Variants in SYT1 observed in about 807,000 individuals in gnomAD.
The protein encoded by SYT1 is synaptotagmin 1, also known as synaptotagmin-1.
In SYT1, 8 loss-of-function variants were observed where a neutral mutation model predicts 44.8. The observed-to-expected ratio is 0.18, with a 90% CI of 0.10 to 0.32. The LOEUF (loss-of-function observed/expected upper bound fraction) is 0.32. Among genes scored for constraint, SYT1 ranks in the 10% least tolerant of loss-of-function variants. The pLI is 1.00. For synonymous variants in SYT1, 154 were observed against 188.8 expected (o/e 0.82, Z 1.51); for missense variants, 286 against 509.3 (o/e 0.56, Z 4.22).
intron 3 of SYT1, among the ~76,000 whole-genome samples, chr12:79,180,251 A>G (rs1872442942): frequency 6.6e-6 from 1 of 152,108 alleles, no homozygotes; most frequent in Non-Finnish European, 1.5e-5. Flanking sequence ...ATTAAAAAAT[A>G]AAGAGCTTTT....
At chr12:78,892,429 C>A (rs2137075867) in intron 1 of SYT1, among the ~76,000 whole-genome samples, 1 of 151,730 alleles carries the variant, frequency 6.6e-6, no homozygotes, top group African/African-American at 2.4e-5. Flanking sequence ...AGTTATAAAC[C>A]ATTCTTCAGT....
intron 2 of SYT1, among the ~76,000 whole-genome samples, chr12:78,982,117 C>G (rs1159419359): frequency 6.6e-6 from 1 of 152,096 alleles, no homozygotes; most frequent in Non-Finnish European, 1.5e-5. Flanking sequence ...ACTATTTGCT[C>G]ATGATAAAAA....
chr12:79,215,948 T>G (rs1175473802), intron 3 of SYT1, among the ~76,000 whole-genome samples: 1 of 74,022 alleles, frequency 1.4e-5, no homozygotes, highest in East Asian at 3.3e-4. Context: ...TTTTTTTTTT[T>G]GAGACAGAGT....
rs373437687 is a variant in SYT1 at position 79,276,937 on chromosome 12, A to G, written c.167-8850A>G. ...GAAGGAAAAATGATGAAGGAAGGAG[A>G]AGAAGAAGAAGGAAGAAGGAGGAGG... On this transcript the variant is annotated intron_variant, in intron 4 of 10. Coordinates refer to ENST00000261205, the MANE Select transcript of SYT1 (RefSeq NM_005639.3). 3.7e-3 allele frequency among the ~76,000 whole-genome samples: 558 copies of G among 150,846 alleles called. 2 individuals carry two copies. Among genetic ancestry groups the G allele is most frequent in the African/African-American group, 0.013 (525 of 41,208 alleles).
intron 1 of SYT1, among the ~76,000 whole-genome samples, chr12:78,908,843 TA>T (rs1441809317): frequency 4.6e-5 from 7 of 152,066 alleles, no homozygotes; most frequent in East Asian, 3.9e-4. Context: ...GAAAATCAAA[TA>T]TTTTTTTTAC....
At chr12:78,996,198 A>T (rs566212654) in intron 2 of SYT1, among the ~76,000 whole-genome samples, 2 of 152,318 alleles carry the variant, frequency 1.3e-5, no homozygotes, top group African/African-American at 2.4e-5. Context: ...TCGCTACCTC[A>T]GTGCATTAAG....
chr12:79,117,555 T>C (rs1264342281), intron 3 of SYT1, among the ~76,000 whole-genome samples: 2 of 149,288 alleles, frequency 1.3e-5, no homozygotes, highest in Admixed American at 6.7e-5. Context: ...TCAGGCCTGA[T>C]AGACCCCAGC....
intron 3 of SYT1, among the ~76,000 whole-genome samples, chr12:79,054,167 C>T (rs1044725891): frequency 9.9e-5 from 15 of 152,012 alleles, no homozygotes; most frequent in Non-Finnish European, 2.1e-4. Flanking sequence ...GCCATTTAAA[C>T]TCAGGTCTGT....
chr12:79,119,919 T>C (rs1433697632), intron 3 of SYT1, among the ~76,000 whole-genome samples: 1 of 152,172 alleles, frequency 6.6e-6, no homozygotes, highest in Non-Finnish European at 1.5e-5. Context: ...CCCTTCCTCT[T>C]TTCTTAATCC....
chr12:79,315,936 G>T (rs547946232), intron 8 of SYT1, among the ~76,000 whole-genome samples: 95 of 152,240 alleles, frequency 6.2e-4, no homozygotes, highest in African/African-American at 2.3e-3. Flanking sequence ...CAATCTTTTT[G>T]CAGCTTGTTT....
At chr12:79,282,411 T>A (rs1266357009) in intron 4 of SYT1, among the ~76,000 whole-genome samples, 2 of 152,154 alleles carry the variant, frequency 1.3e-5, no homozygotes, top group Non-Finnish European at 2.9e-5. Context: ...GAAAATAAAA[T>A]TTTTAATAGA....
At chr12:79,245,657 G>A (rs1876809974) in intron 4 of SYT1, among the ~76,000 whole-genome samples, 1 of 151,988 alleles carries the variant, frequency 6.6e-6, no homozygotes, top group Non-Finnish European at 1.5e-5. Flanking sequence ...TGAGACCAAA[G>A]CAAGCTGTTC....
At chr12:79,168,865 A>G (rs1020424190) in intron 3 of SYT1, among the ~76,000 whole-genome samples, 1 of 152,034 alleles carries the variant, frequency 6.6e-6, no homozygotes, top group African/African-American at 2.4e-5. Context: ...ATCAACAGTC[A>G]AGTTTCTAAA....
intron 9 of SYT1, among the ~76,000 whole-genome samples, chr12:79,377,202 C>A (rs527999955): frequency 1.4e-4 from 22 of 152,280 alleles, no homozygotes; most frequent in African/African-American, 5.3e-4. Context: ...AGCTCTGCCT[C>A]CCAGGTTCAC....
At chr12:79,387,015 C>T (rs1300206896) in intron 9 of SYT1, among the ~76,000 whole-genome samples, 4 of 152,214 alleles carry the variant, frequency 2.6e-5, no homozygotes, top group South Asian at 2.1e-4. Flanking sequence ...GTCCGCCTGT[C>T]ACCTGCCTAT....
intron 3 of SYT1, among the ~76,000 whole-genome samples, chr12:79,100,116 A>G (rs1350257903): frequency 2.0e-5 from 3 of 152,164 alleles, no homozygotes; most frequent in Non-Finnish European, 4.4e-5. Context: ...AATAATAATA[A>G]CGAACATTTG....
intron 1 of SYT1, among the ~76,000 whole-genome samples, chr12:78,908,615 A>G (rs571178332): frequency 1.3e-5 from 2 of 152,014 alleles, no homozygotes; most frequent in African/African-American, 4.8e-5. Context: ...CCCAAACACT[A>G]AAATATGGTT....
intron 3 of SYT1, among the ~76,000 whole-genome samples, chr12:79,079,806 T>G (rs1876902876): frequency 6.6e-6 from 1 of 152,100 alleles, no homozygotes; most frequent in African/African-American, 2.4e-5. Flanking sequence ...AAACAGATTT[T>G]AGATCTTAAA....
intron 3 of SYT1, among the ~76,000 whole-genome samples, chr12:79,141,396 G>A (rs1166308190): frequency 6.6e-6 from 1 of 151,840 alleles, no homozygotes; most frequent in Non-Finnish European, 1.5e-5. Flanking sequence ...CATTTCTTAA[G>A]CTTATTATTT....
Sources: gnomAD v4.1 joint callset for allele counts (sites outside exome capture counted in the v4.1 genomes callset) on GRCh38, gnomAD v4.1.1 for gene constraint, MANE v1.5 for transcripts, NCBI Gene and HGNC (gene_info 2026-07-23, HGNC 2026-07-21) for gene names.